NCAM2: variants seen among roughly 807,000 people sequenced by gnomAD.
NCAM2 encodes the protein neural cell adhesion molecule 2.
Under a neutral mutation model 98.1 loss-of-function variants are expected in NCAM2, and 30 were observed. That is an observed-to-expected ratio of 0.31 (90% CI 0.23 to 0.41). The LOEUF (loss-of-function observed/expected upper bound fraction) is 0.41, where lower values mean the gene tolerates loss of function less well. Ranked by LOEUF, NCAM2 falls within the 10% of genes least tolerant of loss-of-function variation. The pLI, the probability that NCAM2 is intolerant of heterozygous loss-of-function variation, is 1.00. For synonymous variants in NCAM2, 368 were observed against 342.4 expected (o/e 1.07, Z -0.83); for missense variants, 867 against 1,005.8 (o/e 0.86, Z 1.87).
At chr21:21,423,163 C>T (rs1023505931) in intron 11 of NCAM2, among the ~76,000 whole-genome samples, 6 of 152,038 alleles carry the variant, frequency 3.9e-5, no homozygotes, top group African/African-American at 1.2e-4. Context: ...TTAATTGATG[C>T]AGGTTTCTGA....
At chr21:21,218,107 C>T (rs2069981344) in intron 1 of NCAM2, among the ~76,000 whole-genome samples, 1 of 152,152 alleles carries the variant, frequency 6.6e-6, no homozygotes, top group Non-Finnish European at 1.5e-5. Flanking sequence ...GTTGTTTAAG[C>T]TATTAAGTGT....
intron 1 of NCAM2, among the ~76,000 whole-genome samples, chr21:21,246,504 AAT>A (rs1209198011): frequency 2.0e-5 from 3 of 152,208 alleles, no homozygotes; most frequent in Admixed American, 6.5e-5. Context: ...TTATTACAGA[AAT>A]ATGTTTGAAA....
chr21:21,009,882 G>GGTGTGTGTGTGTGTGTGT (rs748587441), intron 1 of NCAM2, among the ~76,000 whole-genome samples: 1 of 51,788 alleles, frequency 1.9e-5, no homozygotes, highest in South Asian at 7.6e-4. Context: ...GCCTCTGATA[G>GGTGTGTGTGTGTGTGTGT]CTGTGTGTGT....
chr21:21,347,623 G>A (rs925536223), intron 8 of NCAM2, among the ~76,000 whole-genome samples: 1 of 151,946 alleles, frequency 6.6e-6, no homozygotes, highest in Admixed American at 6.6e-5. Context: ...AAAAAATAGA[G>A]GAGAAAAGAA....
intron 1 of NCAM2, among the ~76,000 whole-genome samples, chr21:21,063,363 G>A (rs2065364078): frequency 6.6e-6 from 1 of 151,800 alleles, no homozygotes; most frequent in African/African-American, 2.4e-5. Flanking sequence ...TGGGTCTACA[G>A]GCATGCGCCA....
At chr21:21,241,497 C>A (rs2071064206) in intron 1 of NCAM2, among the ~76,000 whole-genome samples, 1 of 152,066 alleles carries the variant, frequency 6.6e-6, no homozygotes, top group Admixed American at 6.6e-5. Flanking sequence ...TGGACAAGCT[C>A]ATTGAAAATA....
chr21:21,066,738 TTATAAA>T (rs1429404677), intron 1 of NCAM2, among the ~76,000 whole-genome samples: 1 of 152,148 alleles, frequency 6.6e-6, no homozygotes, highest in Non-Finnish European at 1.5e-5. Context: ...ATTTGAAATA[TTATAAA>T]TATATATACT....
At chr21:21,127,121 G>C (rs8126571) in intron 1 of NCAM2, among the ~76,000 whole-genome samples, 2 of 151,366 alleles carry the variant, frequency 1.3e-5, no homozygotes, top group African/African-American at 4.9e-5. Flanking sequence ...TTTACATGAC[G>C]GTTTTATTTG....
intron 1 of NCAM2, among the ~76,000 whole-genome samples, chr21:21,031,223 G>A (rs1486274294): frequency 6.6e-6 from 1 of 151,964 alleles, no homozygotes; most frequent in African/African-American, 2.4e-5. Flanking sequence ...TTTATGTTTT[G>A]GCCATTTTAA....
At chr21:21,241,690 A>G (rs1330481463) in intron 1 of NCAM2, among the ~76,000 whole-genome samples, 2 of 149,482 alleles carry the variant, frequency 1.3e-5, no homozygotes, top group Non-Finnish European at 3.0e-5. Context: ...AAATTAAATA[A>G]CAGAAACCAA....
intron 1 of NCAM2, among the ~76,000 whole-genome samples, chr21:21,029,863 C>G (rs1159234849): frequency 6.6e-6 from 1 of 152,016 alleles, no homozygotes; most frequent in Admixed American, 6.6e-5. Context: ...ATCTCCTGAC[C>G]TCGTGATTCG....
At chr21:21,243,744 C>T (rs963084029) in intron 1 of NCAM2, among the ~76,000 whole-genome samples, 1 of 152,078 alleles carries the variant, frequency 6.6e-6, no homozygotes, top group Non-Finnish European at 1.5e-5. Flanking sequence ...ATATTGCATC[C>T]ACTAGAACAG....
intron 8 of NCAM2, among the ~76,000 whole-genome samples, chr21:21,366,125 G>A (rs987461646): frequency 6.6e-6 from 1 of 152,006 alleles, no homozygotes; most frequent in Admixed American, 6.6e-5. Flanking sequence ...AAAATATTCT[G>A]AGTTTCTTCA....
intron 17 of NCAM2, among the ~76,000 whole-genome samples, chr21:21,536,725 G>T (rs1372189991): frequency 6.6e-6 from 1 of 152,036 alleles, no homozygotes; most frequent in African/African-American, 2.4e-5. Flanking sequence ...TCTTGGTGTG[G>T]AAAAAGTATG....
chr21:21,308,648 G>A (rs1156572086), intron 5 of NCAM2, among the ~76,000 whole-genome samples: 1 of 152,002 alleles, frequency 6.6e-6, no homozygotes, highest in African/African-American at 2.4e-5. Flanking sequence ...GACCTTGATT[G>A]ATCATTTTTA....
intron 1 of NCAM2, among the ~76,000 whole-genome samples, chr21:21,247,861 G>T (rs1216960534): frequency 6.6e-6 from 1 of 152,130 alleles, no homozygotes; most frequent in Non-Finnish European, 1.5e-5. Context: ...AGTAGAATTT[G>T]TTTTCCTGCC....
intron 5 of NCAM2, among the ~76,000 whole-genome samples, chr21:21,296,291 G>A (rs956724693): frequency 6.6e-5 from 10 of 151,928 alleles, no homozygotes; most frequent in African/African-American, 2.2e-4. Flanking sequence ...GAAACCCAAT[G>A]CAGCTGAAGA....
At chr21:21,186,649 G>C (rs1224084731) in intron 1 of NCAM2, among the ~76,000 whole-genome samples, 4 of 152,004 alleles carry the variant, frequency 2.6e-5, no homozygotes, top group African/African-American at 9.7e-5. Flanking sequence ...AATATGAAAA[G>C]AATTATTTGG....
intron 1 of NCAM2, among the ~76,000 whole-genome samples, chr21:21,196,624 A>G (rs558215784): frequency 6.6e-6 from 1 of 152,354 alleles, no homozygotes; most frequent in South Asian, 2.1e-4. Context: ...TAATTTGTGG[A>G]GTGAGTGACT....
Sources: gnomAD v4.1 joint callset for allele counts (sites outside exome capture counted in the v4.1 genomes callset) on GRCh38, gnomAD v4.1.1 for gene constraint, MANE v1.5 for transcripts, NCBI Gene and HGNC (gene_info 2026-07-23, HGNC 2026-07-21) for gene names.